Variants in CCDC178 observed in about 807,000 individuals in gnomAD.
CCDC178 encodes the protein coiled-coil domain-containing protein 178.
A neutral mutation model predicts 117.4 loss-of-function variants in CCDC178; 126 were observed. The observed-to-expected ratio is 1.07, with a 90% CI of 0.93 to 1.24. The LOEUF (loss-of-function observed/expected upper bound fraction) is 1.24, where lower values mean the gene tolerates loss of function less well. Ranked by LOEUF, CCDC178 falls within the 50% of genes most tolerant of loss-of-function variation. The pLI, the probability that CCDC178 is intolerant of heterozygous loss-of-function variation, is 0.00. For missense variants in CCDC178, 1,030 were observed against 986.9 expected (o/e 1.04, Z -0.59); for synonymous variants, 283 against 313.4 (o/e 0.90, Z 1.02).
intron 21 of CCDC178, chr18:32,983,434 A>C: frequency 2.6e-6 from 2 of 784,166 alleles, no homozygotes; most frequent in Non-Finnish European, 4.2e-6. Context: ...CAGTCAAACA[A>C]ATAGTACAAC....
chr18:33,112,572 T>C (rs2057799540), intron 20 of CCDC178, among the ~76,000 whole-genome samples: 1 of 151,916 alleles, frequency 6.6e-6, no homozygotes, highest in Non-Finnish European at 1.5e-5. Flanking sequence ...AAAGATAGAC[T>C]ATGTTTTCCT....
chr18:33,110,602 A>T (rs1037976448), intron 20 of CCDC178, among the ~76,000 whole-genome samples: 7 of 151,556 alleles, frequency 4.6e-5, no homozygotes. Context: ...TATCTTTTTT[A>T]AAAAAATATT....
intron 20 of CCDC178, among the ~76,000 whole-genome samples, chr18:33,181,398 A>C (rs1177252991): frequency 2.6e-5 from 4 of 151,866 alleles, no homozygotes; most frequent in Admixed American, 2.6e-4. Context: ...ATAAAAATAA[A>C]AGGACATTTG....
intron 22 of CCDC178, among the ~76,000 whole-genome samples, chr18:32,967,370 G>A (rs2054836348): frequency 6.6e-6 from 1 of 151,212 alleles, no homozygotes; most frequent in Non-Finnish European, 1.5e-5. Context: ...GTTGTCATGT[G>A]CATTACGTTC....
In CCDC178 at chr18:33,341,918, C is replaced by T. The variant is rs1393899230; in HGVS notation, c.658+4293G>A. Among the ~76,000 whole-genome samples the T allele has an allele frequency of 2.6e-5, 4 of 151,888 alleles. No individual in the cohort carries two copies. In the East Asian group the frequency reaches 7.7e-4, roughly 29 times the overall value. On this transcript the variant is annotated intron_variant, in intron 9 of 22. Coordinates refer to ENST00000383096, the MANE Select transcript of CCDC178 (RefSeq NM_001105528.4). Reference sequence around the variant, plus strand: ...ACAACTTTGGGCTTAAACAGTTTGGCATGGATTAAAAAAAACTCAGTAAAT... The same window carrying T: ...ACAACTTTGGGCTTAAACAGTTTGGTATGGATTAAAAAAAACTCAGTAAAT...
chr18:33,134,837 C>A (rs1598917965), intron 20 of CCDC178, among the ~76,000 whole-genome samples: 1 of 151,880 alleles, frequency 6.6e-6, no homozygotes, highest in Non-Finnish European at 1.5e-5. Flanking sequence ...GAGAAGATAC[C>A]AGCATGGTCA....
chr18:33,370,484 A>C (rs1158042329), intron 5 of CCDC178, among the ~76,000 whole-genome samples: 2 of 152,036 alleles, frequency 1.3e-5, no homozygotes, highest in Admixed American at 1.3e-4. Context: ...CATAGGAAAA[A>C]ATGAAGGAAA....
chr18:33,369,978 T>C (rs537553602), intron 6 of CCDC178, 72 bp downstream of exon 6: 6 of 1,274,742 alleles, frequency 4.7e-6, no homozygotes, highest in Middle Eastern at 2.0e-4. Flanking sequence ...TTTCCTGGGT[T>C]CTTTAAATAA....
chr18:33,247,074 A>ATG (rs1306558702), intron 14 of CCDC178, among the ~76,000 whole-genome samples: 20 of 72,498 alleles, frequency 2.8e-4, no homozygotes, highest in African/African-American at 8.0e-4. Context: ...TAAGTGTGTT[A>ATG]CGTGTGTGTG....
intron 11 of CCDC178, among the ~76,000 whole-genome samples, chr18:33,307,487 A>G (rs2062271746): frequency 6.6e-6 from 1 of 152,230 alleles, no homozygotes; most frequent in African/African-American, 2.4e-5. Context: ...GCATTCAAGA[A>G]GAAGCAAAGC....
At chr18:32,966,149 G>A (rs1162457719) in intron 22 of CCDC178, among the ~76,000 whole-genome samples, 1 of 151,494 alleles carries the variant, frequency 6.6e-6, no homozygotes, top group East Asian at 1.9e-4. Context: ...AATCTATTCT[G>A]TATATTTTGG....
intron 21 of CCDC178, among the ~76,000 whole-genome samples, chr18:33,020,466 A>G (rs1476360023): frequency 6.6e-6 from 1 of 152,214 alleles, no homozygotes; most frequent in Non-Finnish European, 1.5e-5. Flanking sequence ...GGGTAGCACT[A>G]CTTGTGAATA....
chr18:33,303,727 G>A (rs1246914719), intron 11 of CCDC178, among the ~76,000 whole-genome samples: 1 of 151,948 alleles, frequency 6.6e-6, no homozygotes, highest in Non-Finnish European at 1.5e-5. Flanking sequence ...TAGTTTTAAT[G>A]GTAAATTGTT....
At chr18:33,140,976 T>A (rs1487278911) in intron 20 of CCDC178, among the ~76,000 whole-genome samples, 1 of 152,054 alleles carries the variant, frequency 6.6e-6, no homozygotes, top group African/African-American at 2.4e-5. Context: ...AGTCAATGAG[T>A]CTCACAAGAT....
At chr18:33,151,464 T>C (rs75351015) in intron 20 of CCDC178, among the ~76,000 whole-genome samples, 1 of 152,090 alleles carries the variant, frequency 6.6e-6, no homozygotes, top group Non-Finnish European at 1.5e-5. Context: ...AACAAGACTT[T>C]GCAGAAAACA....
At chr18:33,360,251 G>T (rs910327859) in intron 6 of CCDC178, among the ~76,000 whole-genome samples, 8 of 149,994 alleles carry the variant, frequency 5.3e-5, no homozygotes, top group African/African-American at 1.9e-4. Context: ...CTGAAAACAG[G>T]TACTTAATCA....
chr18:32,960,264 A>C (rs1323780717), intron 22 of CCDC178, among the ~76,000 whole-genome samples: 1 of 152,156 alleles, frequency 6.6e-6, no homozygotes, highest in East Asian at 1.9e-4. Context: ...AAAATCTTCC[A>C]GATATTTTGA....
intron 11 of CCDC178, among the ~76,000 whole-genome samples, chr18:33,297,689 T>TC (rs1202304531): frequency 6.6e-6 from 1 of 151,836 alleles, no homozygotes; most frequent in African/African-American, 2.4e-5. Context: ...CAAAAAGTCT[T>TC]CCCCCCAAAA....
intron 20 of CCDC178, among the ~76,000 whole-genome samples, chr18:33,208,417 C>T (rs2059070719): frequency 6.6e-6 from 1 of 151,900 alleles, no homozygotes; most frequent in South Asian, 2.1e-4. Flanking sequence ...TGGATAAGGC[C>T]ACAATTTACT....
Sources: gnomAD v4.1 joint callset for allele counts (sites outside exome capture counted in the v4.1 genomes callset) on GRCh38, gnomAD v4.1.1 for gene constraint, MANE v1.5 for transcripts, NCBI Gene and HGNC (gene_info 2026-07-23, HGNC 2026-07-21) for gene names.